OCA2: variants seen among roughly 807,000 people sequenced by gnomAD.
OCA2 encodes the protein P protein.
A neutral mutation model predicts 100.2 loss-of-function variants in OCA2; 77 were observed. That is an observed-to-expected ratio of 0.77 (90% CI 0.64 to 0.93). OCA2 has a LOEUF of 0.93. Among genes scored for constraint, OCA2 ranks in the 40% least tolerant of loss-of-function variants. OCA2 has a pLI of 0.00. For missense variants in OCA2, 1,062 were observed against 1,089.1 expected (o/e 0.98, Z 0.35); for synonymous variants, 432 against 439.2 (o/e 0.98, Z 0.21).
At chr15:27,928,564 G>T (rs1283616674) in intron 18 of OCA2, among the ~76,000 whole-genome samples, 1 of 152,152 alleles carries the variant, frequency 6.6e-6, no homozygotes, top group African/African-American at 2.4e-5. Flanking sequence ...GGCTCTAGGG[G>T]AGGATTTGTT....
At chr15:27,968,004 C>G (rs1375708666) in intron 14 of OCA2, among the ~76,000 whole-genome samples, 2 of 152,234 alleles carry the variant, frequency 1.3e-5, no homozygotes, top group Non-Finnish European at 2.9e-5. Flanking sequence ...TGTTCTTTCA[C>G]TGGCGTCCTG....
At chr15:27,917,092 T>A (rs921257103) in intron 19 of OCA2, among the ~76,000 whole-genome samples, 11 of 152,094 alleles carry the variant, frequency 7.2e-5, no homozygotes, top group African/African-American at 2.2e-4. Context: ...CCAGAGAGTT[T>A]GCCTAGGACC....
chr15:28,027,408 G>A (rs1210513773), intron 4 of OCA2, among the ~76,000 whole-genome samples: 1 of 152,222 alleles, frequency 6.6e-6, no homozygotes, highest in African/African-American at 2.4e-5. Flanking sequence ...CCAACGGATT[G>A]TAAGTTCTAA....
At chr15:27,927,676 A>C (rs1595663741) in intron 18 of OCA2, among the ~76,000 whole-genome samples, 1 of 151,944 alleles carries the variant, frequency 6.6e-6, no homozygotes, top group African/African-American at 2.4e-5. Flanking sequence ...CCACATCTTC[A>C]CCAACATTTG....
chr15:27,893,396 C>T (rs1244567030), intron 19 of OCA2, among the ~76,000 whole-genome samples: 2 of 152,122 alleles, frequency 1.3e-5, no homozygotes, highest in East Asian at 3.8e-4. Flanking sequence ...TACAGAATAA[C>T]AGCGATTTTT....
intron 1 of OCA2, among the ~76,000 whole-genome samples, chr15:28,095,964 CA>C (rs1218377818): frequency 6.6e-6 from 1 of 152,204 alleles, no homozygotes; most frequent in Non-Finnish European, 1.5e-5. Flanking sequence ...TGCTCAGCCC[CA>C]AGGCGTCCCT....
At chr15:28,093,420 A>G (rs2044906064) in intron 1 of OCA2, among the ~76,000 whole-genome samples, 2 of 152,034 alleles carry the variant, frequency 1.3e-5, no homozygotes, top group South Asian at 2.1e-4. Flanking sequence ...TCAAAAAAAA[A>G]AAAAGAAAGA....
intron 23 of OCA2, among the ~76,000 whole-genome samples, chr15:27,842,930 G>A (rs1470137573): frequency 1.3e-5 from 2 of 152,188 alleles, no homozygotes; most frequent in Non-Finnish European, 2.9e-5. Context: ...CTGAACCTCA[G>A]GCACTTTACA....
At chr15:27,822,356 T>C (rs1209890996) in intron 23 of OCA2, among the ~76,000 whole-genome samples, 1 of 152,238 alleles carries the variant, frequency 6.6e-6, no homozygotes, top group Non-Finnish European at 1.5e-5. Context: ...CATGCTGCTA[T>C]ATATTGTATA....
the OCA2 span, among the ~76,000 whole-genome samples, chr15:27,738,521 G>T: frequency 2.0e-5 from 3 of 152,270 alleles, no homozygotes; most frequent in East Asian, 5.8e-4. Flanking sequence ...AGATCACGAG[G>T]TCAGGAGATC....
rs62007491 is a variant in OCA2, at chr15:28,082,883, A to C, written c.-21-988T>G. Among the ~76,000 whole-genome samples the C allele has an allele frequency of 7.3e-3, 1,109 of 152,308 alleles. 8 individuals carry two copies. Among genetic ancestry groups the C allele is most frequent in the Non-Finnish European group, 0.013 (863 of 68,024 alleles). On this transcript the variant is annotated intron_variant, in intron 1 of 23. Coordinates refer to ENST00000354638, the MANE Select transcript of OCA2 (RefSeq NM_000275.3). ...GTAAGAACTATTCCTATACCTCTAA[A>C]GTAATGCTGTCCTACTTTGGGGCTT...
At position 27,957,634 on chromosome 15, in the gene OCA2, G is replaced by A; in HGVS notation, c.1738C>T (p.Leu580=). Residue 580 remains leucine (L), a synonymous_variant, in exon 16 of 24, where the codon CTG becomes TTG. Transcript: ENST00000354638. The surrounding 1 kb of genome is among the most constrained non-coding windows in gnomAD (Gnocchi z 4.3). ...CGGGCGAGCAGGTGCTCCAGTGCCA[G>A]CACCTTCCCCAGCAGCAGGCGGCGC... ...AVRRLLLGKV[L]ALEHLLARRL... is the part of the protein sequence containing the mutation. 6.2e-7 allele frequency: 1 copy of A among 1,613,044 alleles called. No homozygotes were observed. The highest frequency in any genetic ancestry group is 8.5e-7 in the Non-Finnish European group (1 of 1,179,998).
intron 21 of OCA2, among the ~76,000 whole-genome samples, chr15:27,862,477 ATT>A (rs57715276): frequency 3.4e-5 from 5 of 145,272 alleles, no homozygotes; most frequent in Non-Finnish European, 4.6e-5. Context: ...CTCCTCAGAC[ATT>A]TTTTTTTTTT....
chr15:27,723,090 G>A, the OCA2 span, among the ~76,000 whole-genome samples: 4 of 152,008 alleles, frequency 2.6e-5, no homozygotes, highest in East Asian at 5.8e-4. Context: ...TGATCCGCCC[G>A]CCTCACCCTC....
chr15:28,078,605 C>T (rs1482887076), intron 2 of OCA2, among the ~76,000 whole-genome samples: 3 of 152,216 alleles, frequency 2.0e-5, no homozygotes, highest in African/African-American at 7.2e-5. Flanking sequence ...CCAACAACCA[C>T]ACAGATGAGC....
intron 23 of OCA2, among the ~76,000 whole-genome samples, chr15:27,761,435 G>T (rs1465237176): frequency 6.6e-6 from 1 of 150,756 alleles, no homozygotes; most frequent in African/African-American, 2.4e-5. Context: ...CAGCATCTGT[G>T]TGCTGTAAGT....
chr15:27,983,603 C>A, intron 13 of OCA2, 120 bp from the exon 14 acceptor site: 2 of 1,040,676 alleles, frequency 1.9e-6, no homozygotes, highest in South Asian at 2.6e-5. Context: ...ACACACACAC[C>A]CCTGTGGGGA....
At chr15:27,827,152 C>A (rs138468559) in intron 23 of OCA2, among the ~76,000 whole-genome samples, 11 of 152,292 alleles carry the variant, frequency 7.2e-5, no homozygotes, top group African/African-American at 2.4e-4. Flanking sequence ...TCATTCTCCA[C>A]GGATATGAAA....
chr15:27,731,510 A>C, the OCA2 span, among the ~76,000 whole-genome samples: 3 of 152,262 alleles, frequency 2.0e-5, no homozygotes, highest in Admixed American at 2.0e-4. Flanking sequence ...GGAGAAAAAG[A>C]ATTCAAAGGA....
Sources: allele counts gnomAD v4.1 joint callset (sites outside exome capture counted in the v4.1 genomes callset), GRCh38; gene constraint gnomAD v4.1.1; non-coding constraint Gnocchi (gnomAD v3.1); transcripts MANE v1.5; gene names NCBI Gene and HGNC (gene_info 2026-07-23, HGNC 2026-07-21).